PLXDC1: variants seen among roughly 807,000 people sequenced by gnomAD.
The protein encoded by PLXDC1 is plexin domain containing 1.
PLXDC1 carries 39 observed loss-of-function variants against 61.3 expected under a neutral mutation model. The observed-to-expected ratio is 0.64, with a 90% CI of 0.49 to 0.83. PLXDC1 has a LOEUF of 0.83. PLXDC1 is among the 40% of genes least tolerant of loss of function. The pLI is 0.00. For missense variants in PLXDC1, 596 were observed against 666.5 expected (o/e 0.89, Z 1.17); for synonymous variants, 212 against 254.5 (o/e 0.83, Z 1.59).
intron 1 of PLXDC1, among the ~76,000 whole-genome samples, chr17:39,144,153 G>A (rs544245250): frequency 2.0e-5 from 3 of 152,252 alleles, no homozygotes; most frequent in Non-Finnish European, 4.4e-5. Context: ...GGGCCCAGCT[G>A]GGGGTGGCCA....
At chr17:39,120,576 C>T (rs1347162857) in intron 2 of PLXDC1, among the ~76,000 whole-genome samples, 1 of 151,228 alleles carries the variant, frequency 6.6e-6, no homozygotes, top group Non-Finnish European at 1.5e-5. Context: ...TTTCCACTGA[C>T]TCCAAGTTTT....
intron 13 of PLXDC1, among the ~76,000 whole-genome samples, chr17:39,068,187 G>C (rs571822474): frequency 2.0e-5 from 3 of 152,312 alleles, no homozygotes; most frequent in East Asian, 1.9e-4. Context: ...GTGGAAGGAG[G>C]ACACTTTATC....
At chr17:39,148,571 A>T (rs2045355306) in intron 1 of PLXDC1, among the ~76,000 whole-genome samples, 1 of 151,004 alleles carries the variant, frequency 6.6e-6, no homozygotes, top group Non-Finnish European at 1.5e-5. Flanking sequence ...ACTAATATTA[A>T]TAATATTAAT....
At chr17:39,152,157 C>T (rs927435027), upstream of PLXDC1, among the ~76,000 whole-genome samples, 1 of 149,612 alleles carries the variant, frequency 6.7e-6, no homozygotes, top group South Asian at 2.1e-4. Flanking sequence ...ATCCCACCCC[C>T]CTTCCATGAC....
At chr17:39,108,015 G>A in intron 5 of PLXDC1, 108 bp downstream of exon 5, 1 of 1,380,536 alleles carries the variant, frequency 7.2e-7, no homozygotes, top group East Asian at 2.4e-5. Flanking sequence ...TGGCTGCTTT[G>A]CCGTGGGACT....
intron 2 of PLXDC1, among the ~76,000 whole-genome samples, chr17:39,136,451 T>A (rs1911755498): frequency 6.6e-6 from 1 of 152,230 alleles, no homozygotes; most frequent in Non-Finnish European, 1.5e-5. Flanking sequence ...TCTCGTTATG[T>A]TGCCCAGGCT....
At chr17:39,145,462 C>T (rs555789330) in intron 1 of PLXDC1, among the ~76,000 whole-genome samples, 1 of 152,306 alleles carries the variant, frequency 6.6e-6, no homozygotes, top group Non-Finnish European at 1.5e-5. Context: ...GTTACCACAG[C>T]CTCTATCCTG....
upstream of PLXDC1, among the ~76,000 whole-genome samples, chr17:39,152,156 C>T (rs2045378156): frequency 6.7e-6 from 1 of 148,856 alleles, no homozygotes; most frequent in Non-Finnish European, 1.5e-5. Context: ...AATCCCACCC[C>T]CCTTCCATGA....
chr17:39,087,808 A>C, intron 7 of PLXDC1, 106 bp from the exon 8 acceptor site: 1 of 740,888 alleles, frequency 1.3e-6, no homozygotes, highest in Non-Finnish European at 2.3e-6. Context: ...TGAAGGCAGT[A>C]AGTGCACCCA....
At chr17:39,125,096 G>T (rs1911276309) in intron 2 of PLXDC1, among the ~76,000 whole-genome samples, 1 of 152,182 alleles carries the variant, frequency 6.6e-6, no homozygotes, top group South Asian at 2.1e-4. Context: ...GGGATTACAG[G>T]CCTGAAGCGC....
chr17:39,112,703 T>C (rs1166099388), intron 2 of PLXDC1, among the ~76,000 whole-genome samples: 1 of 152,138 alleles, frequency 6.6e-6, no homozygotes, highest in Non-Finnish European at 1.5e-5. Context: ...CCTCTGTGCC[T>C]ATGGCTCAAG....
In PLXDC1 at chr17:39,067,836, G is replaced by A. The variant is rs141083778; in HGVS notation, c.*4C>T. On this transcript the variant is annotated 3_prime_UTR_variant, in exon 14 of 14. Coordinates refer to ENST00000315392, the MANE Select transcript of PLXDC1 (RefSeq NM_020405.5). ...AAAGTCTTCAAAGGGGAGACTTGGT[G>A]TTCTCAGCACTGCTCAGCCTCCATG... 22 of 1,608,810 alleles carry A rather than the reference G, an allele frequency of 1.4e-5. No individual in the cohort carries two copies. In the East Asian group the frequency reaches 4.5e-4, roughly 33 times the overall value.
upstream of PLXDC1, chr17:39,152,806 A>C: frequency 7.3e-6 from 5 of 688,280 alleles, no homozygotes; most frequent in Non-Finnish European, 1.0e-5. Flanking sequence ...AAAAAAAAAC[A>C]CCTAAGAAAG....
chr17:39,088,966 A>ACC (rs1909848894), intron 7 of PLXDC1, among the ~76,000 whole-genome samples: 1 of 117,570 alleles, frequency 8.5e-6, no homozygotes, highest in African/African-American at 3.0e-5. Context: ...AAAAAAAAAG[A>ACC]GAGAGAGAGA....
chr17:39,105,812 C>G, intron 7 of PLXDC1, 42 bp downstream of exon 7: 2 of 1,318,834 alleles, frequency 1.5e-6, no homozygotes, highest in Non-Finnish European at 2.2e-6. Flanking sequence ...TGAGCGGAGT[C>G]CTACCCCCAT....
intron 7 of PLXDC1, among the ~76,000 whole-genome samples, chr17:39,089,233 T>G (rs1909862930): frequency 6.6e-6 from 1 of 152,160 alleles, no homozygotes; most frequent in African/African-American, 2.4e-5. Flanking sequence ...GCCATCTTCT[T>G]CCATGATCCT....
chr17:39,085,231 T>G (rs1055871906), intron 8 of PLXDC1, among the ~76,000 whole-genome samples: 9 of 152,322 alleles, frequency 5.9e-5, no homozygotes, highest in Middle Eastern at 3.4e-3. Flanking sequence ...TGTGGCCACC[T>G]TCAGTCACTC....
At chr17:39,132,277 GGCACATCCCAGGGTCTCTGACTCA>G (rs1324566986) in intron 2 of PLXDC1, among the ~76,000 whole-genome samples, 2 of 152,070 alleles carry the variant, frequency 1.3e-5, no homozygotes, top group Non-Finnish European at 2.9e-5. Context: ...AATAAATTGT[GGCACATCCCAGGGTCTCTGACTCA>G]GCACATCCCA....
chr17:39,072,427 A>G, intron 12 of PLXDC1, 23 bp downstream of exon 12: 1 of 1,532,794 alleles, frequency 6.5e-7, no homozygotes, highest in Non-Finnish European at 8.9e-7. Flanking sequence ...TCTGACGCTG[A>G]GGGCAGGCAG....
Sources: gnomAD v4.1 joint callset for allele counts (sites outside exome capture counted in the v4.1 genomes callset) on GRCh38, gnomAD v4.1.1 for gene constraint, MANE v1.5 for transcripts, NCBI Gene and HGNC (gene_info 2026-07-23, HGNC 2026-07-21) for gene names.